Variants in TRIP12 observed in about 807,000 individuals in gnomAD.
TRIP12 encodes the protein E3 ubiquitin-protein ligase TRIP12.
In TRIP12, 25 loss-of-function variants were observed where a neutral mutation model predicts 244.2. The ratio of observed to expected loss-of-function variants is 0.10; its 90% CI spans 0.07 to 0.14. The LOEUF is 0.14. Ranked by LOEUF, TRIP12 falls within the 10% of genes least tolerant of loss-of-function variation. The probability of loss-of-function intolerance (pLI) is 1.00; values close to 1 mark genes in which losing one functional copy is unlikely to be tolerated. For synonymous variants in TRIP12, 905 were observed against 873.1 expected (o/e 1.04, Z -0.64); for missense variants, 1,677 against 2,486.4 (o/e 0.67, Z 6.92).
intron 2 of TRIP12, among the ~76,000 whole-genome samples, chr2:229,872,758 A>G (rs2062897487): frequency 6.6e-6 from 1 of 152,126 alleles, no homozygotes. Context: ...CCTTCTACAA[A>G]CTCTTAAGTA....
At chr2:229,769,459 A>G (rs531152232) in intron 39 of TRIP12, 134 bp from the exon 40 acceptor site, 4 of 373,364 alleles carry the variant, frequency 1.1e-5, no homozygotes, top group East Asian at 9.2e-5. Flanking sequence ...CCTCTTTCCA[A>G]AAAAAAAAAA....
chr2:229,805,810 G>C lies in TRIP12; in HGVS notation c.2570C>G (p.Ser857Cys). Residue 857 changes from serine to cysteine, a missense_variant, in exon 18 of 42, where the codon TCT becomes TGT. Ser to Cys is a moderately radical substitution (Grantham distance 112, BLOSUM62 -1). This residue lies in a region of TRIP12 where 572 missense variants were observed against 867.8 expected (regional missense o/e 0.66). Coordinates refer to ENST00000675903, the MANE Select transcript of TRIP12 (RefSeq NM_001348323.3). ...CGTGTCCTCATTGATTTGCTGCATA[G>C]AATTAAAATCAATAGTATAAACTCG... ...LGRVYTIDFN[S>C]MQQINEDTGT... 6.2e-7 allele frequency: 1 copy of C among 1,611,444 alleles called. No individual in the cohort carries two copies. Among genetic ancestry groups the C allele is most frequent in the Non-Finnish European group, 8.5e-7 (1 of 1,177,926 alleles).
At chr2:229,894,657 A>C (rs1404759352) in intron 1 of TRIP12, among the ~76,000 whole-genome samples, 2 of 152,228 alleles carry the variant, frequency 1.3e-5, no homozygotes, top group Non-Finnish European at 2.9e-5. Context: ...GAATTTATAC[A>C]TGTGTGGCCA....
At chr2:229,901,620 G>A (rs57210419) in intron 1 of TRIP12, among the ~76,000 whole-genome samples, 82 of 143,556 alleles carry the variant, frequency 5.7e-4, no homozygotes, top group Non-Finnish European at 7.8e-4. Context: ...GAGACTGTCT[G>A]AAAAAAAAAA....
intron 30 of TRIP12, 144 bp from the exon 31 acceptor site, chr2:229,789,906 T>G: frequency 1.1e-6 from 1 of 872,498 alleles, no homozygotes; most frequent in Non-Finnish European, 1.7e-6. Flanking sequence ...TTGATAAGTT[T>G]GACAATCTTC....
intron 1 of TRIP12, among the ~76,000 whole-genome samples, chr2:229,915,474 C>G (rs1352612625): frequency 2.6e-5 from 4 of 152,030 alleles, no homozygotes; most frequent in African/African-American, 9.7e-5. Context: ...GGACATTAAG[C>G]CATTACAAAA....
intron 6 of TRIP12, among the ~76,000 whole-genome samples, chr2:229,831,939 T>C (rs1248799188): frequency 1.4e-5 from 2 of 140,648 alleles, no homozygotes; most frequent in African/African-American, 5.2e-5. Context: ...TCTTCCACAA[T>C]ACCTTAAGCC....
chr2:229,817,571 T>C (rs1458567165), intron 9 of TRIP12, among the ~76,000 whole-genome samples: 1 of 152,200 alleles, frequency 6.6e-6, no homozygotes, highest in Non-Finnish European at 1.5e-5. Flanking sequence ...AAAAAGATTT[T>C]TTAAAGTCTT....
intron 1 of TRIP12, among the ~76,000 whole-genome samples, chr2:229,916,901 G>A (rs1024264725): frequency 1.2e-4 from 18 of 150,836 alleles, no homozygotes; most frequent in African/African-American, 3.7e-4. Flanking sequence ...GTCTAGCATC[G>A]GTATACTTAT....
At chr2:229,783,809 T>TAA (rs1559371724) in intron 34 of TRIP12, among the ~76,000 whole-genome samples, 2 of 140,326 alleles carry the variant, frequency 1.4e-5, no homozygotes, top group African/African-American at 5.5e-5. Flanking sequence ...AAACCATCTT[T>TAA]TAAAAAAAAA....
Position 229,778,398 on chromosome 2 carries a change from C to A in TRIP12, c.5364+35G>T, listed in dbSNP as rs1310043373. 2 of 1,612,468 alleles carry A rather than the reference C, an allele frequency of 1.2e-6. No homozygotes were observed. The highest frequency in any genetic ancestry group is 1.7e-6 in the Non-Finnish European group (2 of 1,178,938). On this transcript the variant is annotated intron_variant, in intron 36 of 41. Coordinates refer to ENST00000675903, the MANE Select transcript of TRIP12 (RefSeq NM_001348323.3). This position sits in a 1 kb window ranked among gnomAD's most constrained non-coding sequence, Gnocchi z 4.1. Reference sequence around the variant, plus strand: ...AGGTACTTGCACAGAACATTCTACACCAAAACTGCAAAAAGCAAACCATCC... The same window carrying A: ...AGGTACTTGCACAGAACATTCTACAACAAAACTGCAAAAAGCAAACCATCC...
At chr2:229,876,555 C>T (rs2063612437) in intron 2 of TRIP12, among the ~76,000 whole-genome samples, 1 of 152,242 alleles carries the variant, frequency 6.6e-6, no homozygotes, top group Admixed American at 6.5e-5. Context: ...TGTCATTCTA[C>T]AAATCTAATC....
chr2:229,830,185 T>C (rs1011238346), intron 7 of TRIP12, among the ~76,000 whole-genome samples: 1 of 152,186 alleles, frequency 6.6e-6, no homozygotes, highest in Admixed American at 6.5e-5. Context: ...CCCTACAATT[T>C]GTGTATACAC....
intron 8 of TRIP12, among the ~76,000 whole-genome samples, chr2:229,823,399 C>A (rs951317058): frequency 6.6e-6 from 1 of 152,098 alleles, no homozygotes; most frequent in Non-Finnish European, 1.5e-5. Flanking sequence ...CTTGGCCAGG[C>A]ATGGTGGCTC....
chr2:229,804,705 T>C (rs1337804851), intron 18 of TRIP12, among the ~76,000 whole-genome samples: 1 of 152,078 alleles, frequency 6.6e-6, no homozygotes, highest in Non-Finnish European at 1.5e-5. Context: ...ATACAAGGGG[T>C]TGACAAAGTA....
intron 1 of TRIP12, among the ~76,000 whole-genome samples, chr2:229,883,414 C>G (rs928141696): frequency 6.6e-6 from 1 of 152,202 alleles, no homozygotes; most frequent in Non-Finnish European, 1.5e-5. Context: ...TTTTAAAACA[C>G]AAGTGGGAAT....
upstream of TRIP12, chr2:229,922,741 G>A (rs1338826813): frequency 2.3e-6 from 2 of 881,454 alleles, no homozygotes; most frequent in Admixed American, 2.8e-5. Flanking sequence ...TCCGCGCCGG[G>A]AGATTTTCCT....
chr2:229,799,532 T>C, intron 21 of TRIP12, 149 bp from the exon 22 acceptor site: 1 of 665,414 alleles, frequency 1.5e-6, no homozygotes, highest in East Asian at 2.8e-5. Flanking sequence ...ATCCCAGCAC[T>C]TTGGGAGGCC....
intron 5 of TRIP12, among the ~76,000 whole-genome samples, chr2:229,838,100 C>G (rs1445061989): frequency 6.6e-6 from 1 of 152,184 alleles, no homozygotes; most frequent in African/African-American, 2.4e-5. Context: ...GTGAGAGAAG[C>G]AGGCACAACT....
Sources: gnomAD v4.1 joint callset for allele counts (sites outside exome capture counted in the v4.1 genomes callset) on GRCh38, gnomAD v4.1.1 for gene constraint, gnomAD v4.1.1 regional missense constraint, Gnocchi (gnomAD v3.1) non-coding constraint, MANE v1.5 for transcripts, NCBI Gene and HGNC (gene_info 2026-07-23, HGNC 2026-07-21) for gene names.